Variants in ATP6V1H observed in about 807,000 individuals in gnomAD.
The protein encoded by ATP6V1H is V-type proton ATPase subunit H.
In ATP6V1H, 39 loss-of-function variants were observed where a neutral mutation model predicts 71.7. The observed-to-expected ratio is 0.54, with a 90% CI of 0.42 to 0.71. The LOEUF is 0.71. Among genes scored for constraint, ATP6V1H ranks in the 30% least tolerant of loss-of-function variants. The pLI is 0.00. For missense variants in ATP6V1H, 509 were observed against 594.9 expected, an observed-to-expected ratio of 0.86 and a Z score of 1.50; for synonymous variants, 192 against 199.3, an observed-to-expected ratio of 0.96 and a Z score of 0.31.
chr8:53,813,248 T>C (rs953962987), intron 6 of ATP6V1H, among the ~76,000 whole-genome samples: 1 of 152,122 alleles, frequency 6.6e-6, no homozygotes, highest in African/African-American at 2.4e-5. Flanking sequence ...TTGATGCTAT[T>C]AACATAAAAA....
chr8:53,749,872 T>C (rs996986531), intron 12 of ATP6V1H, among the ~76,000 whole-genome samples: 7 of 152,166 alleles, frequency 4.6e-5, no homozygotes, highest in Non-Finnish European at 7.3e-5. Context: ...AAGTCATACA[T>C]GCAGAGGGAG....
Position 53,836,366 on chromosome 8 carries a change from C to G in ATP6V1H, c.114-3280G>C, listed in dbSNP as rs1470647760. Among the ~76,000 whole-genome samples the G allele has an allele frequency of 2.6e-5, 4 of 152,176 alleles. No individual in the cohort carries two copies. In the East Asian group the frequency reaches 7.7e-4, roughly 29 times the overall value. On this transcript the variant is annotated intron_variant, in intron 2 of 13. Coordinates refer to ENST00000359530, the MANE Select transcript of ATP6V1H (RefSeq NM_015941.4). ...CCTTATAATTTTGCAGCTTTCTTTT[C>G]CATTAAAATAACTGTTTCTTATTTG...
intron 2 of ATP6V1H, among the ~76,000 whole-genome samples, chr8:53,840,647 T>C (rs1457710906): frequency 1.3e-5 from 2 of 152,174 alleles, no homozygotes; most frequent in Non-Finnish European, 2.9e-5. Context: ...AGGTAATCAA[T>C]AAATGTTTGA....
At chr8:53,779,328 A>G (rs1030438866) in intron 9 of ATP6V1H, among the ~76,000 whole-genome samples, 10 of 152,056 alleles carry the variant, frequency 6.6e-5, no homozygotes, top group African/African-American at 2.2e-4. Flanking sequence ...ATCTTACAGA[A>G]TATGTTCTTA....
chr8:53,760,086 T>G (rs542286730), intron 11 of ATP6V1H, among the ~76,000 whole-genome samples: 34 of 152,340 alleles, frequency 2.2e-4, no homozygotes, highest in South Asian at 4.1e-4. Context: ...AAGCTGCCAC[T>G]CTAAGATAAT....
intron 13 of ATP6V1H, among the ~76,000 whole-genome samples, chr8:53,732,992 T>G (rs1476540536): frequency 6.6e-6 from 1 of 152,216 alleles, no homozygotes; most frequent in African/African-American, 2.4e-5. Flanking sequence ...GACGGAGCAG[T>G]GATATACTGG....
At chr8:53,777,387 C>T (rs568452392) in intron 9 of ATP6V1H, among the ~76,000 whole-genome samples, 2 of 150,458 alleles carry the variant, frequency 1.3e-5, no homozygotes, top group South Asian at 2.1e-4. Context: ...TCATCAGAAA[C>T]GATGGAGATG....
At chr8:53,807,810 T>C (rs1810135616) in intron 7 of ATP6V1H, among the ~76,000 whole-genome samples, 1 of 152,238 alleles carries the variant, frequency 6.6e-6, no homozygotes, top group South Asian at 2.1e-4. Flanking sequence ...ATGTGAAATA[T>C]ATTTCAATAA....
At chr8:53,809,983 G>C (rs1810220505) in intron 7 of ATP6V1H, among the ~76,000 whole-genome samples, 1 of 152,088 alleles carries the variant, frequency 6.6e-6, no homozygotes, top group African/African-American at 2.4e-5. Context: ...TTCAACCCAT[G>C]CTCCAAGAGA....
chr8:53,774,556 ATT>A (rs1808795302), intron 9 of ATP6V1H, among the ~76,000 whole-genome samples: 1 of 152,250 alleles, frequency 6.6e-6, no homozygotes, highest in Admixed American at 6.5e-5. Flanking sequence ...TTTAAAATAT[ATT>A]CCAGAGACTC....
intron 7 of ATP6V1H, among the ~76,000 whole-genome samples, chr8:53,805,156 T>C (rs1229137385): frequency 6.6e-6 from 1 of 152,224 alleles, no homozygotes; most frequent in African/African-American, 2.4e-5. Flanking sequence ...AGGATTTAAG[T>C]GCAAACTAAG....
chr8:53,718,586 C>A (rs1051914203), intron 13 of ATP6V1H, among the ~76,000 whole-genome samples: 9 of 151,976 alleles, frequency 5.9e-5, no homozygotes, highest in African/African-American at 2.2e-4. Context: ...GACAGGGTTT[C>A]GTCATGTTGT....
At chr8:53,783,990 G>A (rs1255132320) in intron 9 of ATP6V1H, among the ~76,000 whole-genome samples, 2 of 152,206 alleles carry the variant, frequency 1.3e-5, no homozygotes, top group Non-Finnish European at 2.9e-5. Flanking sequence ...AATAGGTGTG[G>A]TGTGGTGCTG....
chr8:53,725,181 C>A (rs1454469989), intron 13 of ATP6V1H, among the ~76,000 whole-genome samples: 3 of 152,016 alleles, frequency 2.0e-5, no homozygotes, highest in African/African-American at 7.2e-5. Flanking sequence ...TTAATCCATT[C>A]ATGAATTAAT....
At chr8:53,726,398 T>G (rs1806814356) in intron 13 of ATP6V1H, among the ~76,000 whole-genome samples, 1 of 152,190 alleles carries the variant, frequency 6.6e-6, no homozygotes, top group South Asian at 2.1e-4. Flanking sequence ...TCTTATACAG[T>G]AACAATTTTT....
intron 13 of ATP6V1H, among the ~76,000 whole-genome samples, chr8:53,727,161 T>C (rs1806841255): frequency 6.6e-6 from 1 of 152,176 alleles, no homozygotes. Context: ...AACCATCCCA[T>C]CCTGGCTCTT....
chr8:53,719,043 T>C (rs1806527731), intron 13 of ATP6V1H, among the ~76,000 whole-genome samples: 1 of 152,192 alleles, frequency 6.6e-6, no homozygotes, highest in Non-Finnish European at 1.5e-5. Flanking sequence ...TGTGGGGTGT[T>C]AGATGGCTTT....
intron 9 of ATP6V1H, among the ~76,000 whole-genome samples, chr8:53,781,844 T>C (rs1172131856): frequency 6.6e-6 from 1 of 152,156 alleles, no homozygotes; most frequent in Admixed American, 6.5e-5. Flanking sequence ...AAAGATCAGA[T>C]AGTTGTAGAT....
intron 11 of ATP6V1H, among the ~76,000 whole-genome samples, chr8:53,757,659 C>G (rs1183875686): frequency 6.6e-6 from 1 of 152,154 alleles, no homozygotes; most frequent in East Asian, 1.9e-4. Context: ...TAGATACACA[C>G]AAACTTAAAT....
Sources: gnomAD v4.1 joint callset for allele counts (sites outside exome capture counted in the v4.1 genomes callset) on GRCh38, gnomAD v4.1.1 for gene constraint, MANE v1.5 for transcripts, NCBI Gene and HGNC (gene_info 2026-07-23, HGNC 2026-07-21) for gene names.